Variants in ASB13 observed in about 807,000 individuals in gnomAD.
The protein encoded by ASB13 is ankyrin repeat and SOCS box protein 13.
A neutral mutation model predicts 28.8 loss-of-function variants in ASB13; 33 were observed. That is an observed-to-expected ratio of 1.15 (90% CI 0.87 to 1.53). The LOEUF (loss-of-function observed/expected upper bound fraction) is 1.53, where lower values mean the gene tolerates loss of function less well. Ranked by LOEUF, ASB13 falls within the 40% of genes most tolerant of loss-of-function variation. The pLI is 0.00. For synonymous variants in ASB13, 182 were observed against 172.9 expected (o/e 1.05, Z -0.41); for missense variants, 414 against 390.1 (o/e 1.06, Z -0.52).
rs1271722018 is a variant in ASB13, at chr10:5,658,436, AC to A, written c.44-5387del. Among the ~76,000 whole-genome samples the A allele has an allele frequency of 1.3e-4, 19 of 151,144 alleles. No homozygotes were observed. Among genetic ancestry groups the A allele is most frequent in the Non-Finnish European group, 1.8e-4 (12 of 67,812 alleles). On this transcript the variant is annotated intron_variant, in intron 1 of 5. Coordinates refer to ENST00000357700, the MANE Select transcript of ASB13 (RefSeq NM_024701.4). The surrounding 1 kb of genome is among the most constrained non-coding windows in gnomAD (Gnocchi z 4.2). ...ACTTTGTCTGAAAAAAAAAAAAAAA[AC>A]AAAACCAAATAAGCCATTTCTGAAA...
chr10:5,643,909 C>T (rs1834844358), intron 4 of ASB13, among the ~76,000 whole-genome samples: 1 of 152,262 alleles, frequency 6.6e-6, no homozygotes, highest in Admixed American at 6.5e-5. Context: ...CTGGAAAGAG[C>T]TCTAAAAATC....
rs200621967 is a variant in ASB13, at chr10:5,641,785, A to G, written c.694T>C (p.Phe232Leu). The change falls in exon 5 of 6, where the codon TTC becomes CTC. Residue 232 changes from phenylalanine to leucine, a missense_variant. Physicochemically the swap from Phe to Leu is conservative, Grantham distance 22 (BLOSUM62 0). Coordinates refer to ENST00000357700, the MANE Select transcript of ASB13 (RefSeq NM_024701.4). The surrounding 1 kb of genome is among the most constrained non-coding windows in gnomAD (Gnocchi z 8.4). ...GGTGTCTCACTTTCGTAGTACTCGA[A>G]GCACTTGGCGGGAGCGCTGCTGCTC... ...TWSSSAPAKC[F>L]EYYEKTPLTL... is the part of the protein sequence containing the mutation. 22 of 1,598,652 alleles carry G rather than the reference A, an allele frequency of 1.4e-5. No individual in the cohort carries two copies. In the East Asian group the frequency reaches 4.7e-4, roughly 34 times the overall value.
In ASB13 at chr10:5,640,617, C is replaced by G. The variant is rs572095270; in HGVS notation, c.*86G>C. 3 of 1,550,546 alleles carry G rather than the reference C, an allele frequency of 1.9e-6. No individual in the cohort carries two copies. The highest frequency in any genetic ancestry group is 1.8e-4 in the Middle Eastern group (1 of 5,678). ...AGCGTTGTTCTATCTACAGCAATCACGCTGCTTCAGAGGAACAGGCAGAGC... is the reference window on the plus strand; with the variant it reads ...AGCGTTGTTCTATCTACAGCAATCAGGCTGCTTCAGAGGAACAGGCAGAGC... On this transcript the variant is annotated 3_prime_UTR_variant, in exon 6 of 6. Coordinates refer to ENST00000357700, the MANE Select transcript of ASB13 (RefSeq NM_024701.4).
At position 5,656,126 on chromosome 10, in the gene ASB13, G is replaced by A. The variant is rs1213753830; in HGVS notation, c.44-3076C>T. Among the ~76,000 whole-genome samples, 1 of 152,198 alleles carries A rather than the reference G, an allele frequency of 6.6e-6. No individual in the cohort carries two copies. The highest frequency in any genetic ancestry group is 1.5e-5 in the Non-Finnish European group (1 of 68,040). On this transcript the variant is annotated intron_variant, in intron 1 of 5. Transcript: ENST00000357700. The surrounding 1 kb of genome is among the most constrained non-coding windows in gnomAD (Gnocchi z 4.3). ...AGAGCTGCAGCCGGGTCTATCTCAG[G>A]CACCGCTTATTCACCTCTGTACCCC...
rs61006671 is a variant in ASB13 at position 5,642,571 on chromosome 10, T to TAA, written c.518-612_518-611dup. The stretch of plus-strand genomic sequence containing the variant: ...TCATCAAGCTGATTAAAAGTAAAGG[T>TAA]AAAAAAAAATTTTTTTTTAAAAAAA... On this transcript the variant is annotated intron_variant, in intron 4 of 5. Transcript: ENST00000357700. This position sits in a 1 kb window ranked among gnomAD's most constrained non-coding sequence, Gnocchi z 4.1. The TAA allele has an allele frequency of 4.5e-4, 519 of 1,155,916 alleles. No homozygotes were observed. Among genetic ancestry groups the TAA allele is most frequent in the East Asian group, 8.3e-4 (13 of 15,574 alleles). 71.6% of individuals were successfully genotyped at this position (1,155,916 alleles called of 1,614,324 possible). A position where few individuals can be genotyped will look rare whatever the true frequency, so the allele number is the denominator to read the frequency against.
chr10:5,663,191 A>G lies in ASB13; in HGVS notation c.43+3318T>C, dbSNP rs751473310. ...GTCAAAACTCAGTAAGAGTGGAGAA[A>G]AGAAAGGGAAAGAATAAATGAAAGC... is the stretch of plus-strand genomic sequence containing the variant. On this transcript the variant is annotated intron_variant, in intron 1 of 5. Transcript: ENST00000357700. This position sits in a 1 kb window ranked among gnomAD's most constrained non-coding sequence, Gnocchi z 4.9. 4.6e-5 allele frequency among the ~76,000 whole-genome samples: 7 copies of G among 152,196 alleles called. No individual in the cohort carries two copies. Among genetic ancestry groups the G allele is most frequent in the African/African-American group, 7.2e-5 (3 of 41,454 alleles).
chr10:5,644,841 G>A lies in ASB13; in HGVS notation c.518-2880C>T, dbSNP rs919771544. Among the ~76,000 whole-genome samples the A allele has an allele frequency of 1.3e-5, 2 of 151,874 alleles. No individual in the cohort carries two copies. Among genetic ancestry groups the A allele is most frequent in the Non-Finnish European group, 2.9e-5 (2 of 67,970 alleles). On this transcript the variant is annotated intron_variant, in intron 4 of 5. Coordinates refer to ENST00000357700, the MANE Select transcript of ASB13 (RefSeq NM_024701.4). This position sits in a 1 kb window ranked among gnomAD's most constrained non-coding sequence, Gnocchi z 5.1. Reference sequence around the variant, plus strand: ...TCAGAAAAAAAAGAAAGAAAGAAGGGAACAGATACAGAGGAAAGAAGGAAG... The same window carrying A: ...TCAGAAAAAAAAGAAAGAAAGAAGGAAACAGATACAGAGGAAAGAAGGAAG...
rs530443909 is a variant in ASB13, at chr10:5,642,295, T to C, written c.518-334A>G. 1.8e-4 allele frequency among the ~76,000 whole-genome samples: 27 copies of C among 152,250 alleles called. No homozygotes were observed. Among genetic ancestry groups the C allele is most frequent in the Middle Eastern group, 3.4e-3 (1 of 294 alleles). On this transcript the variant is annotated intron_variant, in intron 4 of 5. Transcript: ENST00000357700. The surrounding 1 kb of genome is among the most constrained non-coding windows in gnomAD (Gnocchi z 4.1). ...CAATCTGCCTTCAGGGGTCCTGAGATTTCCGGAAGCTCAAACCAGAGCCAC... is the reference window on the plus strand; with the variant it reads ...CAATCTGCCTTCAGGGGTCCTGAGACTTCCGGAAGCTCAAACCAGAGCCAC...
chr10:5,659,450 C>G lies in ASB13; in HGVS notation c.44-6400G>C, dbSNP rs1407121615. On this transcript the variant is annotated intron_variant, in intron 1 of 5. Coordinates refer to ENST00000357700, the MANE Select transcript of ASB13 (RefSeq NM_024701.4). The surrounding 1 kb of genome is among the most constrained non-coding windows in gnomAD (Gnocchi z 5.8). The stretch of plus-strand genomic sequence containing the variant: ...CAGTCACAGGCCCTGTCCCCAGGCT[C>G]CCCGTCATGCACACAGCCGTGTCCA... 1.3e-5 allele frequency among the ~76,000 whole-genome samples: 2 copies of G among 152,200 alleles called. No homozygotes were observed. Among genetic ancestry groups the G allele is most frequent in the Non-Finnish European group, 2.9e-5 (2 of 68,038 alleles).
Position 5,643,000 on chromosome 10 carries a change from A to G in ASB13, c.518-1039T>C, listed in dbSNP as rs1014532605. Among the ~76,000 whole-genome samples, 1 of 152,228 alleles carries G rather than the reference A, an allele frequency of 6.6e-6. No individual in the cohort carries two copies. The highest frequency in any genetic ancestry group is 2.4e-5 in the African/African-American group (1 of 41,460). On this transcript the variant is annotated intron_variant, in intron 4 of 5. Transcript: ENST00000357700. The surrounding 1 kb of genome is among the most constrained non-coding windows in gnomAD (Gnocchi z 4.1). ...GGCACAGCCATCACTGATCCGATAC[A>G]ATGGAATCCCCCAGGGCTTCAGAAT...
At position 5,666,562 on chromosome 10, in the gene ASB13, G is replaced by A. The variant is rs893814527; in HGVS notation, c.-11C>T. The A allele has an allele frequency of 2.1e-5, 24 of 1,160,422 alleles. No individual in the cohort carries two copies. The highest frequency in any genetic ancestry group is 3.3e-5 in the African/African-American group (2 of 61,330). The allele number at this position is 1,160,422 out of a possible 1,614,324, so 71.9% of individuals were successfully genotyped here. A position where few individuals can be genotyped will look rare whatever the true frequency, so the allele number is the denominator to read the frequency against. ...CGCCCGGGGCTCCATGCGGCTCACC[G>A]GCGGCCGCGCGGCGACTCTGGGCGC... On this transcript the variant is annotated 5_prime_UTR_variant, in exon 1 of 6. Transcript: ENST00000357700.
chr10:5,655,948 TA>T lies in ASB13; in HGVS notation c.44-2899del, dbSNP rs1422411398. 3.9e-5 allele frequency among the ~76,000 whole-genome samples: 6 copies of T among 152,304 alleles called. No homozygotes were observed. Among genetic ancestry groups the T allele is most frequent in the African/African-American group, 1.4e-4 (6 of 41,554 alleles). Reference sequence around the variant, plus strand: ...TTCCGCTGCCACACGCAAAGATGACTAAGATGCAGCAATAGGCAGCTCACAG... The same window carrying T: ...TTCCGCTGCCACACGCAAAGATGACTAGATGCAGCAATAGGCAGCTCACAG... On this transcript the variant is annotated intron_variant, in intron 1 of 5. Transcript: ENST00000357700. The surrounding 1 kb of genome is among the most constrained non-coding windows in gnomAD (Gnocchi z 6.2).
Position 5,659,330 on chromosome 10 carries a change from T to A in ASB13, c.44-6280A>T, listed in dbSNP as rs1436710910. ...ACATAATAGGTTGCCCCCTCCCTAA[T>A]GCAGATGATTGACAAGCCAGTCTGA... On this transcript the variant is annotated intron_variant, in intron 1 of 5. Coordinates refer to ENST00000357700, the MANE Select transcript of ASB13 (RefSeq NM_024701.4). This position sits in a 1 kb window ranked among gnomAD's most constrained non-coding sequence, Gnocchi z 5.8. Among the ~76,000 whole-genome samples, 2 of 152,108 alleles carry A rather than the reference T, an allele frequency of 1.3e-5. No homozygotes were observed. The highest frequency in any genetic ancestry group is 1.5e-5 in the Non-Finnish European group (1 of 67,996).
intron 1 of ASB13, 46 bp downstream of exon 1, chr10:5,666,463 G>A: frequency 8.6e-6 from 11 of 1,276,814 alleles, no homozygotes; most frequent in Non-Finnish European, 6.9e-6. Flanking sequence ...GGCCTCAGGA[G>A]CCGGCGCCGC....
intron 4 of ASB13, among the ~76,000 whole-genome samples, chr10:5,648,561 C>T (rs1331327485): frequency 2.6e-5 from 2 of 76,932 alleles, no homozygotes; most frequent in Non-Finnish European, 4.6e-5. Context: ...CAGGTAAACA[C>T]CCACGCAGGC....
intron 1 of ASB13, among the ~76,000 whole-genome samples, chr10:5,665,761 G>A (rs894425026): frequency 6.6e-6 from 1 of 152,038 alleles, no homozygotes; most frequent in Admixed American, 6.5e-5. Flanking sequence ...TCCCTCTTAG[G>A]TGCACTACTG....
rs1331011724 is a variant in ASB13, at chr10:5,661,785, C to G, written c.43+4724G>C. On this transcript the variant is annotated intron_variant, in intron 1 of 5. Coordinates refer to ENST00000357700, the MANE Select transcript of ASB13 (RefSeq NM_024701.4). The surrounding 1 kb of genome is among the most constrained non-coding windows in gnomAD (Gnocchi z 4.9). ...AAGTGCTGGGATTACAGGCATGAGC[C>G]CCAGGCCCAGCCCAGAATGCACTCT... is the stretch of plus-strand genomic sequence containing the variant. Among the ~76,000 whole-genome samples the G allele has an allele frequency of 6.6e-6, 1 of 152,190 alleles. No homozygotes were observed. Among genetic ancestry groups the G allele is most frequent in the Non-Finnish European group, 1.5e-5 (1 of 68,032 alleles).
chr10:5,662,705 T>A (rs926577107), intron 1 of ASB13, among the ~76,000 whole-genome samples: 1 of 151,762 alleles, frequency 6.6e-6, no homozygotes, highest in South Asian at 2.1e-4. Context: ...CTCTGCCTGC[T>A]GTCCAAACCA....
At chr10:5,643,845 A>C (rs1225564023) in intron 4 of ASB13, among the ~76,000 whole-genome samples, 2 of 152,240 alleles carry the variant, frequency 1.3e-5, no homozygotes. Context: ...AAAACAGAGA[A>C]AGAGGCCCAA....
Sources: gnomAD v4.1 joint callset for allele counts (sites outside exome capture counted in the v4.1 genomes callset) on GRCh38, gnomAD v4.1.1 for gene constraint, Gnocchi (gnomAD v3.1) non-coding constraint, MANE v1.5 for transcripts, NCBI Gene and HGNC (gene_info 2026-07-23, HGNC 2026-07-21) for gene names.